TANC2: variants seen among roughly 807,000 people sequenced by gnomAD.
The protein encoded by TANC2 is tetratricopeptide repeat, ankyrin repeat and coiled-coil containing 2, also known as protein TANC2.
TANC2 carries 26 observed loss-of-function variants against 210.5 expected under a neutral mutation model. That is an observed-to-expected ratio of 0.12 (90% CI 0.09 to 0.17). The LOEUF (loss-of-function observed/expected upper bound fraction) is 0.17. Among genes scored for constraint, TANC2 ranks in the 10% least tolerant of loss-of-function variants. The pLI is 1.00. For synonymous variants in TANC2, 931 were observed against 967.1 expected (o/e 0.96, Z 0.69); for missense variants, 2,129 against 2,608.9 (o/e 0.82, Z 4.01).
chr17:63,390,985 T>C (rs1195679990), intron 17 of TANC2: 4 of 152,176 alleles, frequency 2.6e-5, no homozygotes, highest in East Asian at 1.9e-4. Context: ...AAAACTCTTA[T>C]CAGTTCTTAC....
intron 4 of TANC2, among the ~76,000 whole-genome samples, chr17:63,138,188 A>C (rs1047146587): frequency 7.2e-5 from 11 of 152,142 alleles, no homozygotes; most frequent in African/African-American, 2.4e-4. Flanking sequence ...CAGAGAATCC[A>C]ACAAAGAACT....
In TANC2 at chr17:63,260,632, C is replaced by A. The variant is rs558223680; in HGVS notation, c.1034-7116C>A. On this transcript the variant is annotated intron_variant, in intron 8 of 27. Coordinates refer to ENST00000689528, the Ensembl canonical transcript of TANC2. ...AAACCCTGTCTCTACAAAAAATTAGCCAGGAGTGGTGGTGCACGCCTACTC... is the reference window on the plus strand; with the variant it reads ...AAACCCTGTCTCTACAAAAAATTAGACAGGAGTGGTGGTGCACGCCTACTC... Among the ~76,000 whole-genome samples, 14 of 151,930 alleles carry A rather than the reference C, an allele frequency of 9.2e-5. No homozygotes were observed. The South Asian group carries it at 2.7e-3, about 29-fold the overall frequency.
chr17:63,352,526 A>G (rs1182802931), intron 13 of TANC2, among the ~76,000 whole-genome samples: 2 of 152,188 alleles, frequency 1.3e-5, no homozygotes, highest in African/African-American at 2.4e-5. Context: ...AAAATGAAAG[A>G]TGAATGAAAG....
At chr17:63,134,533 G>A (rs543153150) in intron 4 of TANC2, among the ~76,000 whole-genome samples, 4 of 152,156 alleles carry the variant, frequency 2.6e-5, no homozygotes, top group East Asian at 3.9e-4. Flanking sequence ...TCTGTTCCAG[G>A]GTAACTTGGT....
intron 7 of TANC2, among the ~76,000 whole-genome samples, chr17:63,204,345 A>T (rs1415727017): frequency 6.6e-6 from 1 of 152,184 alleles, no homozygotes; most frequent in African/African-American, 2.4e-5. Context: ...TTTAAGACTT[A>T]AATGGAAAGA....
At chr17:63,345,988 A>G (rs2046394800) in intron 12 of TANC2, among the ~76,000 whole-genome samples, 3 of 152,210 alleles carry the variant, frequency 2.0e-5, no homozygotes. Flanking sequence ...CCACATATGC[A>G]GTCAATTGAT....
At chr17:63,084,526 TTTC>T (rs2036890902) in intron 3 of TANC2, among the ~76,000 whole-genome samples, 1 of 151,908 alleles carries the variant, frequency 6.6e-6, no homozygotes, top group Admixed American at 6.6e-5. Context: ...TATTATTTCT[TTTC>T]TTCTGCTTGC....
At chr17:63,025,197 A>AT (rs556104865) in intron 2 of TANC2, among the ~76,000 whole-genome samples, 3 of 151,358 alleles carry the variant, frequency 2.0e-5, no homozygotes, top group Non-Finnish European at 2.9e-5. Context: ...GTTGATGGTA[A>AT]TTTTTTTTTA....
chr17:63,056,690 A>G (rs543480408), intron 2 of TANC2, among the ~76,000 whole-genome samples: 115 of 152,306 alleles, frequency 7.6e-4, no homozygotes, highest in African/African-American at 2.6e-3. Context: ...TAAATAAAAA[A>G]GGCAATTAAA....
chr17:63,155,952 C>T (rs918041433), intron 5 of TANC2, among the ~76,000 whole-genome samples: 1 of 152,100 alleles, frequency 6.6e-6, no homozygotes, highest in Non-Finnish European at 1.5e-5. Context: ...CTTTTCCCAA[C>T]TCCTGTATAG....
chr17:63,018,032 G>A (rs1193471632), intron 2 of TANC2, among the ~76,000 whole-genome samples: 1 of 152,056 alleles, frequency 6.6e-6, no homozygotes, highest in African/African-American at 2.4e-5. Flanking sequence ...TAGTGAGGCA[G>A]GAGAATCACT....
chr17:63,176,617 AAC>A (rs2040590136), intron 5 of TANC2, among the ~76,000 whole-genome samples: 1 of 151,990 alleles, frequency 6.6e-6, no homozygotes, highest in Non-Finnish European at 1.5e-5. Context: ...CATCGTGGCT[AAC>A]ACAGTGAAAC....
chr17:63,199,686 AATTT>A (rs2041464705), intron 6 of TANC2, among the ~76,000 whole-genome samples: 1 of 152,164 alleles, frequency 6.6e-6, no homozygotes, highest in African/African-American at 2.4e-5. Context: ...CTATTGTAGT[AATTT>A]ATTTGTGTAG....
At chr17:63,356,307 T>G (rs1421423690) in intron 14 of TANC2, among the ~76,000 whole-genome samples, 1 of 152,208 alleles carries the variant, frequency 6.6e-6, no homozygotes, top group African/African-American at 2.4e-5. Context: ...ATAAAGTTGG[T>G]GTTTTCAAAA....
At chr17:63,190,763 A>G (rs2041158084) in intron 5 of TANC2, among the ~76,000 whole-genome samples, 1 of 152,234 alleles carries the variant, frequency 6.6e-6, no homozygotes, top group Non-Finnish European at 1.5e-5. Flanking sequence ...TGATACACAC[A>G]ATATGGATGA....
At chr17:63,098,359 A>C (rs1345407302) in intron 3 of TANC2, among the ~76,000 whole-genome samples, 3 of 151,246 alleles carry the variant, frequency 2.0e-5, no homozygotes, top group Non-Finnish European at 4.4e-5. Flanking sequence ...CCTAGAGTAT[A>C]GTTCTTTGGG....
chr17:63,352,524 A>C (rs1272438726), intron 13 of TANC2, among the ~76,000 whole-genome samples: 1 of 152,196 alleles, frequency 6.6e-6, no homozygotes, highest in African/African-American at 2.4e-5. Context: ...TAAAAATGAA[A>C]GATGAATGAA....
At chr17:63,366,684 G>A (rs1303573658) in intron 14 of TANC2, among the ~76,000 whole-genome samples, 1 of 152,164 alleles carries the variant, frequency 6.6e-6, no homozygotes, top group African/African-American at 2.4e-5. Context: ...AGAAAATAAT[G>A]CTTTTCCACT....
chr17:63,237,832 C>G (rs755877273), exon 8 of TANC2: 17 of 1,546,192 alleles, frequency 1.1e-5, no homozygotes, highest in Non-Finnish European at 1.5e-5. Flanking sequence ...ACAAGCTATT[C>G]TGAAAATGTG....
Sources: allele counts gnomAD v4.1 joint callset (sites outside exome capture counted in the v4.1 genomes callset), GRCh38; gene constraint gnomAD v4.1.1; transcripts MANE v1.5; gene names NCBI Gene and HGNC (gene_info 2026-07-23, HGNC 2026-07-21).